HS3ST3A1: variants seen among roughly 807,000 people sequenced by gnomAD.
HS3ST3A1 encodes the protein heparan sulfate glucosamine 3-O-sulfotransferase 3A1.
HS3ST3A1 carries 19 observed loss-of-function variants against 25.7 expected under a neutral mutation model. The ratio of observed to expected loss-of-function variants is 0.74; its 90% CI spans 0.52 to 1.08. The LOEUF (loss-of-function observed/expected upper bound fraction) is 1.08. Ranked by LOEUF, HS3ST3A1 falls within the 50% of genes least tolerant of loss-of-function variation. HS3ST3A1 has a pLI of 0.00. For synonymous variants in HS3ST3A1, 226 were observed against 278.6 expected (o/e 0.81, Z 1.88); for missense variants, 459 against 594.3 (o/e 0.77, Z 2.37).
intron 1 of HS3ST3A1, among the ~76,000 whole-genome samples, chr17:13,559,312 G>A (rs774420385): frequency 3.3e-5 from 5 of 152,036 alleles, no homozygotes; most frequent in South Asian, 4.1e-4. Flanking sequence ...AGGTAATTTC[G>A]TATTAATGGA....
intron 1 of HS3ST3A1, among the ~76,000 whole-genome samples, chr17:13,514,400 A>G (rs1456378489): frequency 3.9e-5 from 6 of 152,264 alleles, no homozygotes; most frequent in Middle Eastern, 3.4e-3. Context: ...TTTTAAATTC[A>G]GTTTAAATCA....
At chr17:13,568,934 G>A (rs954280611) in intron 1 of HS3ST3A1, among the ~76,000 whole-genome samples, 6 of 152,194 alleles carry the variant, frequency 3.9e-5, no homozygotes, top group African/African-American at 1.4e-4. Context: ...GCTCAGACCT[G>A]TGGTTTTAAT....
At position 13,601,111 on chromosome 17, in the gene HS3ST3A1, C is replaced by A. The variant is rs375085464; in HGVS notation, c.19G>T (p.Ala7Ser). Residue 7 changes from alanine to serine, a missense_variant, in exon 1 of 2, where the codon GCC becomes TCC. By Grantham distance (99) the Ala-to-Ser change is moderately conservative. Around this residue, in one of 3 missense-constraint regions of HS3ST3A1, gnomAD observed 346 missense variants for 303.9 expected, o/e 1.14. Transcript: ENST00000284110. ...TCGGCCGAGGTGGAGAGGGCACTGG[C>A]CGGGCCCGGAGGGGCCATCCTAGCC... MAPPGP[A>S]SALSTSAEPL... The A allele has an allele frequency of 4.7e-5, 74 of 1,574,142 alleles. No homozygotes were observed. Among genetic ancestry groups the A allele is most frequent in the Non-Finnish European group, 5.7e-5 (66 of 1,162,000 alleles).
chr17:13,557,350 AACAG>A (rs1907410988), intron 1 of HS3ST3A1, among the ~76,000 whole-genome samples: 1 of 152,212 alleles, frequency 6.6e-6, no homozygotes, highest in Admixed American at 6.5e-5. Flanking sequence ...AGCATGAGTC[AACAG>A]ACATCAGAAA....
chr17:13,529,692 G>A (rs779991722), intron 1 of HS3ST3A1, among the ~76,000 whole-genome samples: 7 of 151,978 alleles, frequency 4.6e-5, no homozygotes, highest in East Asian at 1.9e-4. Flanking sequence ...CTACCTTCAC[G>A]GCTCTCAAGA....
At chr17:13,560,134 A>G (rs1179948806) in intron 1 of HS3ST3A1, among the ~76,000 whole-genome samples, 1 of 151,340 alleles carries the variant, frequency 6.6e-6, no homozygotes, top group African/African-American at 2.4e-5. Context: ...TACTAAAAAT[A>G]CAAAAATTAG....
chr17:13,593,338 A>C (rs1471158111), intron 1 of HS3ST3A1, among the ~76,000 whole-genome samples: 1 of 151,984 alleles, frequency 6.6e-6, no homozygotes, highest in Non-Finnish European at 1.5e-5. Flanking sequence ...ATTTACATCA[A>C]CGTTTTTGTT....
chr17:13,584,567 GAAGGAAGGAAGGAGGGAAGGAAGGAAGA>G (rs1908202101), intron 1 of HS3ST3A1, among the ~76,000 whole-genome samples: 4 of 151,132 alleles, frequency 2.6e-5, no homozygotes, highest in Non-Finnish European at 4.4e-5. Context: ...AGGAAGGAAA[GAAGGAAGGAAGGAGGGAAGGAAGGAAGA>G]AAGGAAGGAT....
At chr17:13,572,108 G>C (rs981351716) in intron 1 of HS3ST3A1, among the ~76,000 whole-genome samples, 2 of 152,048 alleles carry the variant, frequency 1.3e-5, no homozygotes, top group African/African-American at 4.8e-5. Flanking sequence ...TGCTTTTCTG[G>C]GTAACCAAAT....
intron 1 of HS3ST3A1, among the ~76,000 whole-genome samples, chr17:13,583,725 A>G (rs1005157302): frequency 5.3e-5 from 8 of 152,264 alleles, no homozygotes; most frequent in African/African-American, 1.7e-4. Context: ...TAGTCACTCC[A>G]CTTATTTTAA....
rs1034859232 is a variant in HS3ST3A1, at chr17:13,601,377, A to G, written c.-248T>C. The G allele has an allele frequency of 6.4e-6, 3 of 465,734 alleles. No homozygotes were observed. Among genetic ancestry groups the G allele is most frequent in the Non-Finnish European group, 1.1e-5 (3 of 267,508 alleles). 28.9% of individuals were successfully genotyped at this position (465,734 alleles called of 1,614,324 possible). A position where few individuals can be genotyped will look rare whatever the true frequency, so the allele number is the denominator to read the frequency against. Reference sequence around the variant, plus strand: ...GGAAGGGGAACGCGGGTCCGTGCTTAAGAAACCATCGTCTTAGACTCGCCC... The same window carrying G: ...GGAAGGGGAACGCGGGTCCGTGCTTGAGAAACCATCGTCTTAGACTCGCCC... On this transcript the variant is annotated 5_prime_UTR_variant, in exon 1 of 2. It removes the in-frame stop codon of an upstream open reading frame in the 5' UTR. Coordinates refer to ENST00000284110, the MANE Select transcript of HS3ST3A1 (RefSeq NM_006042.3).
chr17:13,515,621 T>G (rs1446218277), intron 1 of HS3ST3A1, among the ~76,000 whole-genome samples: 1 of 152,146 alleles, frequency 6.6e-6, no homozygotes, highest in Non-Finnish European at 1.5e-5. Context: ...TTGCAGAGGT[T>G]GTATGTGAAT....
In HS3ST3A1 at chr17:13,600,587, C is replaced by A; in HGVS notation, c.543G>T (p.Val181=). ...GGTCGAAGAAGTGGGGCTCGGCGCC[C>A]ACGGCGCGCACGTCGGGGTGCACGC... is the stretch of plus-strand genomic sequence containing the variant. The part of the protein sequence containing the change: ...FLRVHPDVRA[V]GAEPHFFDRS... The change falls in exon 1 of 2, where the codon GTG becomes GTT. Residue 181 remains valine, a synonymous_variant. Coordinates refer to ENST00000284110, the MANE Select transcript of HS3ST3A1 (RefSeq NM_006042.3). 1.2e-6 allele frequency: 2 copies of A among 1,601,094 alleles called. No homozygotes were observed. The highest frequency in any genetic ancestry group is 1.7e-6 in the Non-Finnish European group (2 of 1,178,266).
At chr17:13,542,564 A>G (rs1446765543) in intron 1 of HS3ST3A1, among the ~76,000 whole-genome samples, 3 of 151,988 alleles carry the variant, frequency 2.0e-5, no homozygotes, top group African/African-American at 7.2e-5. Flanking sequence ...ATTGTGAGAC[A>G]ATAAACTGTT....
At chr17:13,564,939 C>T (rs565265969) in intron 1 of HS3ST3A1, among the ~76,000 whole-genome samples, 1 of 152,108 alleles carries the variant, frequency 6.6e-6, no homozygotes, top group Non-Finnish European at 1.5e-5. Flanking sequence ...CCAGGCTGGT[C>T]GCAAACTCCT....
intron 1 of HS3ST3A1, among the ~76,000 whole-genome samples, chr17:13,589,666 TAC>T (rs145947782): frequency 1.3e-5 from 2 of 151,232 alleles, no homozygotes; most frequent in Non-Finnish European, 1.5e-5. Context: ...ACCAGAAAAT[TAC>T]ACACACACAC....
intron 1 of HS3ST3A1, among the ~76,000 whole-genome samples, chr17:13,599,042 T>G (rs1360376849): frequency 6.6e-6 from 1 of 152,038 alleles, no homozygotes; most frequent in Non-Finnish European, 1.5e-5. Flanking sequence ...AATCACTTCT[T>G]TCTCGTGTCC....
chr17:13,575,152 A>G (rs1371982944), intron 1 of HS3ST3A1, among the ~76,000 whole-genome samples: 1 of 152,158 alleles, frequency 6.6e-6, no homozygotes, highest in African/African-American at 2.4e-5. Flanking sequence ...CTCAGTTGTG[A>G]AACTCTCTGA....
At chr17:13,510,658 C>G (rs1210575510) in intron 1 of HS3ST3A1, among the ~76,000 whole-genome samples, 1 of 151,554 alleles carries the variant, frequency 6.6e-6, no homozygotes, top group Non-Finnish European at 1.5e-5. Flanking sequence ...CTAGGATATT[C>G]TTTCTAAAAT....
Sources: gnomAD v4.1 joint callset for allele counts (sites outside exome capture counted in the v4.1 genomes callset) on GRCh38, gnomAD v4.1.1 for gene constraint, gnomAD v4.1.1 regional missense constraint, MANE v1.5 for transcripts, NCBI Gene and HGNC (gene_info 2026-07-23, HGNC 2026-07-21) for gene names.